LAMB1: variants seen among roughly 807,000 people sequenced by gnomAD.
The protein encoded by LAMB1 is laminin subunit beta-1.
Under a neutral mutation model 222.3 loss-of-function variants are expected in LAMB1, and 121 were observed. That is an observed-to-expected ratio of 0.54 (90% CI 0.47 to 0.63). The LOEUF (loss-of-function observed/expected upper bound fraction) is 0.63. Among genes scored for constraint, LAMB1 ranks in the 30% least tolerant of loss-of-function variants. The pLI, the probability that LAMB1 is intolerant of heterozygous loss-of-function variation, is 0.00. For missense variants in LAMB1, 2,172 were observed against 2,240.8 expected (o/e 0.97, Z 0.62); for synonymous variants, 794 against 807.2 (o/e 0.98, Z 0.28).
intron 19 of LAMB1, 44 bp downstream of exon 19, chr7:107,959,647 A>C (rs369068604): frequency 3.1e-6 from 5 of 1,614,200 alleles, no homozygotes; most frequent in Non-Finnish European, 3.4e-6. Context: ...ACAATGGCTG[A>C]GTTAATCTGA....
chr7:107,960,647 A>G lies in LAMB1; in HGVS notation c.2112T>C (p.Leu704=). 6.2e-7 allele frequency: 1 copy of G among 1,614,130 alleles called. No homozygotes were observed. The highest frequency in any genetic ancestry group is 8.5e-7 in the Non-Finnish European group (1 of 1,179,912). The change falls in exon 18 of 34, where the codon CTT becomes CTC. Residue 704 remains leucine, a splice_region_variant and synonymous_variant. Coordinates refer to ENST00000222399, the MANE Select transcript of LAMB1 (RefSeq NM_002291.3). ...GTGATTTACAGTATGGCATGAGAACAAGCTGTGAAGAAATGAGAACGGCCA... is the reference window on the plus strand; with the variant it reads ...GTGATTTACAGTATGGCATGAGAACGAGCTGTGAAGAAATGAGAACGGCCA... ...VESPYTLIDS[L]VLMPYCKSLD...
intron 14 of LAMB1, among the ~76,000 whole-genome samples, chr7:107,964,002 C>A (rs1267283859): frequency 6.6e-6 from 1 of 152,198 alleles, no homozygotes; most frequent in African/African-American, 2.4e-5. Flanking sequence ...GAAGCTGAAG[C>A]AGGAGAATCG....
chr7:107,968,920 G>A (rs2033686365), intron 13 of LAMB1, among the ~76,000 whole-genome samples: 1 of 152,092 alleles, frequency 6.6e-6, no homozygotes, highest in Non-Finnish European at 1.5e-5. Context: ...GTGGTAATTT[G>A]TTATGGCAGC....
chr7:107,959,578 G>C, intron 19 of LAMB1, 98 bp from the exon 20 acceptor site: 1 of 1,609,928 alleles, frequency 6.2e-7, no homozygotes, highest in Non-Finnish European at 8.5e-7. Context: ...GAATGCTCAT[G>C]GGTTGGTGTG....
At chr7:107,973,939 C>T (rs1251504711) in intron 12 of LAMB1, among the ~76,000 whole-genome samples, 1 of 152,074 alleles carries the variant, frequency 6.6e-6, no homozygotes, top group Non-Finnish European at 1.5e-5. Flanking sequence ...AGCCATTGTG[C>T]CCAGCCTATT....
intron 2 of LAMB1, 112 bp from the exon 3 acceptor site, chr7:108,001,845 G>A (rs2034394074): frequency 6.6e-7 from 1 of 1,518,130 alleles, no homozygotes; most frequent in Admixed American, 2.1e-5. Flanking sequence ...CAGTCCATTC[G>A]GAAGAAAGCA....
chr7:107,965,440 G>T (rs142582855), intron 13 of LAMB1, among the ~76,000 whole-genome samples: 1 of 152,094 alleles, frequency 6.6e-6, no homozygotes, highest in Non-Finnish European at 1.5e-5. Context: ...TTAGCTGGGC[G>T]TGGTGGCGCA....
At chr7:107,976,145 C>G (rs765546352) in intron 9 of LAMB1, among the ~76,000 whole-genome samples, 1 of 152,148 alleles carries the variant, frequency 6.6e-6, no homozygotes, top group Non-Finnish European at 1.5e-5. Flanking sequence ...AAATGGAAAA[C>G]TCTAAGGGAA....
rs369929520 is a variant in LAMB1 at position 107,952,180 on chromosome 7, G to A, written c.3123C>T (p.Asn1041=). The A allele has an allele frequency of 2.2e-5, 36 of 1,612,822 alleles. No individual in the cohort carries two copies. Among genetic ancestry groups the A allele is most frequent in the African/African-American group, 6.7e-5 (5 of 74,928 alleles). Residue 1041 remains asparagine (N), a synonymous_variant, in exon 23 of 34, where the codon AAC becomes AAT. Coordinates refer to ENST00000222399, the MANE Select transcript of LAMB1 (RefSeq NM_002291.3). ...CTTTGTCGCACTGGCAGTCAGAGCC[G>A]TTACAGTGCTCTTGCACGGTGCCCA... ...NYLGTVQEHC[N]GSDCQCDKAT...
At chr7:107,950,293 G>A (rs2237696) in intron 24 of LAMB1, among the ~76,000 whole-genome samples, 1 of 151,834 alleles carries the variant, frequency 6.6e-6, no homozygotes, top group Non-Finnish European at 1.5e-5. Flanking sequence ...ACAAATATAC[G>A]AAAGAGCACT....
At chr7:107,924,636 T>C (rs1055790968) in intron 32 of LAMB1, among the ~76,000 whole-genome samples, 3 of 152,190 alleles carry the variant, frequency 2.0e-5, no homozygotes, top group Non-Finnish European at 4.4e-5. Flanking sequence ...TTCTCCTGAT[T>C]ATTACTTTTC....
Position 107,959,776 on chromosome 7 carries a change from C to A in LAMB1, c.2373G>T (p.Gln791His), listed in dbSNP as rs773311401. 1.9e-6 allele frequency: 3 copies of A among 1,614,146 alleles called. No individual in the cohort carries two copies. The highest frequency in any genetic ancestry group is 4.5e-5 in the East Asian group (2 of 44,888). Residue 791 changes from glutamine (Q) to histidine (H), a missense_variant, in exon 19 of 34, where the codon CAG becomes CAT. By Grantham distance (24) the Gln-to-His change is conservative. Transcript: ENST00000222399. ...LSSVCDPNGG[Q>H]CQCRPNVVGR... ...CAACCACGTTGGGCCGGCACTGGCA[C>A]TGGCCTCCGTTGGGATCACACACGG...
intron 28 of LAMB1, 110 bp downstream of exon 28, chr7:107,932,064 C>G (rs1359166301): frequency 1.0e-6 from 1 of 953,828 alleles, no homozygotes; most frequent in African/African-American, 1.6e-5. Context: ...TTGTGATATG[C>G]CCTTTTCATT....
chr7:108,002,209 G>A (rs2034403446), intron 2 of LAMB1: 1 of 1,358,902 alleles, frequency 7.4e-7, no homozygotes, highest in Non-Finnish European at 9.7e-7. Context: ...AGCTTGGGAA[G>A]CGAGAGTGCG....
At chr7:107,980,944 C>A in intron 7 of LAMB1, 133 bp from the exon 8 acceptor site, 1 of 606,174 alleles carries the variant, frequency 1.6e-6, no homozygotes, top group Non-Finnish European at 2.9e-6. Context: ...CTTGTATGAT[C>A]TAGATGACTC....
Position 108,001,663 on chromosome 7 carries a change from A to T in LAMB1, c.108T>A (p.Tyr36Ter), listed in dbSNP as rs764700603. ...CGATGAGAAGGTCGCCCGTGGCGGGATAGCAGCTGCCTTCTGCGCAGCCGT... is the reference window on the plus strand; with the variant it reads ...CGATGAGAAGGTCGCCCGTGGCGGGTTAGCAGCTGCCTTCTGCGCAGCCGT... The part of the protein sequence containing the change: ...FSYGCAEGSC[Y>*]PATGDLLIGR... Residue 36 changes from tyrosine (Y) to a stop codon, truncating the protein, a stop_gained, in exon 3 of 34, where the codon TAT (tyrosine) becomes TAA (stop). Transcript: ENST00000222399. LOFTEE classifies it high-confidence loss of function. The T allele has an allele frequency of 6.2e-7, 1 of 1,612,448 alleles. No individual in the cohort carries two copies. The highest frequency in any genetic ancestry group is 1.7e-5 in the Admixed American group (1 of 59,894).
chr7:107,964,679 G>A lies in LAMB1; in HGVS notation c.1571C>T (p.Ala524Val), dbSNP rs139348334. ...CCGGCATGAGCACTGGCCTGACTCCGCAAAGCAACTGGAAGGGAGGAGGAG... is the reference window on the plus strand; with the variant it reads ...CCGGCATGAGCACTGGCCTGACTCCACAAAGCAACTGGAAGGGAGGAGGAG... ...LGGALNNSCF[A>V]ESGQCSCRPH... The change falls in exon 14 of 34, where the codon GCG (alanine) becomes GTG (valine). Residue 524 changes from alanine (A) to valine (V), a missense_variant. Ala to Val is a moderately conservative substitution (Grantham distance 64). Coordinates refer to ENST00000222399, the MANE Select transcript of LAMB1 (RefSeq NM_002291.3). 269 of 1,614,020 alleles carry A rather than the reference G, an allele frequency of 1.7e-4. 1 individual carries two copies. In the African/African-American group the frequency reaches 2.8e-3, roughly 17 times the overall value.
At chr7:107,960,029 T>C (rs1387806059) in intron 18 of LAMB1, among the ~76,000 whole-genome samples, 195 bp from the exon 19 acceptor site, 11 of 152,214 alleles carry the variant, frequency 7.2e-5, no homozygotes, top group Admixed American at 5.2e-4. Flanking sequence ...CAGGAGGTCA[T>C]TAATGTTTTC....
chr7:107,931,298 G>A, intron 29 of LAMB1, 58 bp downstream of exon 29: 1 of 1,257,492 alleles, frequency 8.0e-7, no homozygotes, highest in Non-Finnish European at 1.1e-6. Flanking sequence ...TATCTAAAAT[G>A]TAAACAGAGA....
Sources: allele counts gnomAD v4.1 joint callset (sites outside exome capture counted in the v4.1 genomes callset), GRCh38; gene constraint gnomAD v4.1.1; transcripts MANE v1.5; gene names NCBI Gene and HGNC (gene_info 2026-07-23, HGNC 2026-07-21).